SGCZ: variants seen among roughly 807,000 people sequenced by gnomAD.
The protein encoded by SGCZ is sarcoglycan zeta.
A neutral mutation model predicts 41.3 loss-of-function variants in SGCZ; 40 were observed. The ratio of observed to expected loss-of-function variants is 0.97; its 90% confidence interval spans 0.75 to 1.26. The LOEUF is 1.26. Among genes scored for constraint, SGCZ ranks in the 50% most tolerant of loss-of-function variants. SGCZ has a pLI of 0.00. For synonymous variants in SGCZ, 206 were observed against 137.5 expected (o/e 1.50, Z -3.49); for missense variants, 552 against 369.8 (o/e 1.49, Z -4.04).
intron 3 of SGCZ, among the ~76,000 whole-genome samples, chr8:14,311,201 G>C (rs1279589825): frequency 6.6e-6 from 1 of 152,020 alleles, no homozygotes; most frequent in Non-Finnish European, 1.5e-5. Context: ...TAGTGTAGAG[G>C]ACCTGATTTC....
At chr8:14,151,378 A>C (rs1157033117) in intron 5 of SGCZ, among the ~76,000 whole-genome samples, 2 of 152,126 alleles carry the variant, frequency 1.3e-5, no homozygotes, top group African/African-American at 4.8e-5. Context: ...TTAAAAATTT[A>C]TCAGAACATT....
chr8:15,036,784 C>T (rs1471764743), intron 1 of SGCZ, among the ~76,000 whole-genome samples: 1 of 151,698 alleles, frequency 6.6e-6, no homozygotes, highest in South Asian at 2.1e-4. Flanking sequence ...TAGAAAAGGA[C>T]ACTACAAAAA....
intron 1 of SGCZ, among the ~76,000 whole-genome samples, chr8:14,947,164 T>C (rs893506565): frequency 2.0e-5 from 3 of 152,148 alleles, no homozygotes; most frequent in Admixed American, 6.5e-5. Context: ...GATAGTGTGA[T>C]TGTCTGGGGA....
intron 2 of SGCZ, among the ~76,000 whole-genome samples, chr8:14,407,001 G>A (rs1253323554): frequency 1.3e-5 from 2 of 151,690 alleles, no homozygotes; most frequent in Non-Finnish European, 2.9e-5. Context: ...CTTGATTTTG[G>A]AGCCTGCCTG....
chr8:14,459,132 C>A (rs1006786050), intron 2 of SGCZ, among the ~76,000 whole-genome samples: 1 of 152,076 alleles, frequency 6.6e-6, no homozygotes, highest in African/African-American at 2.4e-5. Flanking sequence ...ATGGATGAAG[C>A]TGGAAACCTT....
At chr8:15,083,325 T>C (rs529895569) in intron 1 of SGCZ, among the ~76,000 whole-genome samples, 2 of 152,220 alleles carry the variant, frequency 1.3e-5, no homozygotes, top group South Asian at 4.1e-4. Context: ...ACAGATCATC[T>C]CTCCTTAGAA....
At chr8:14,453,111 A>AAAT (rs950936119) in intron 2 of SGCZ, among the ~76,000 whole-genome samples, 1 of 152,126 alleles carries the variant, frequency 6.6e-6, no homozygotes, top group Non-Finnish European at 1.5e-5. Context: ...TGGTCTCAAA[A>AAAT]AATAATAATA....
rs73529496 is a variant in SGCZ at position 14,296,414 on chromosome 8, T to C, written c.336+27689A>G. On this transcript the variant is annotated intron_variant, in intron 3 of 7. Coordinates refer to ENST00000382080, the MANE Select transcript of SGCZ (RefSeq NM_139167.4). ...AGAAATACATGGAGGTTTGGATTTA[T>C]ATGAAGGATTAAAGTATGTCACATT... Among the ~76,000 whole-genome samples the C allele has an allele frequency of 5.4e-3, 829 of 152,306 alleles. 7 individuals are homozygous for C. The highest frequency in any genetic ancestry group is 0.019 in the African/African-American group (793 of 41,558).
chr8:15,130,674 G>A (rs1369554939), intron 1 of SGCZ, among the ~76,000 whole-genome samples: 1 of 152,158 alleles, frequency 6.6e-6, no homozygotes, highest in Non-Finnish European at 1.5e-5. Context: ...TAATGAGGCT[G>A]TGTCAATTCT....
chr8:15,047,594 A>G (rs1218017537), intron 1 of SGCZ, among the ~76,000 whole-genome samples: 1 of 152,006 alleles, frequency 6.6e-6, no homozygotes, highest in African/African-American at 2.4e-5. Context: ...CTAGAGAGAG[A>G]GTACAGGGAT....
intron 1 of SGCZ, among the ~76,000 whole-genome samples, chr8:14,776,586 C>A (rs544425243): frequency 1.8e-4 from 27 of 149,646 alleles, no homozygotes; most frequent in Non-Finnish European, 1.3e-4. Flanking sequence ...CTCAGCCTCC[C>A]GGGTTCAGGC....
chr8:14,280,690 A>G lies in SGCZ; in HGVS notation c.337-43011T>C, dbSNP rs187052506. Among the ~76,000 whole-genome samples, 454 of 151,928 alleles carry G rather than the reference A, an allele frequency of 3.0e-3. 3 individuals carry two copies. Among genetic ancestry groups the G allele is most frequent in the African/African-American group, 0.01 (435 of 41,524 alleles). On this transcript the variant is annotated intron_variant, in intron 3 of 7. Transcript: ENST00000382080. ...TTACTATTGCTTATCTTGTGGTGAG[A>G]AAAATAATTTTTGGAAAATTGACTT...
chr8:15,033,918 C>T (rs1199773871), intron 1 of SGCZ, among the ~76,000 whole-genome samples: 2 of 152,220 alleles, frequency 1.3e-5, no homozygotes, highest in African/African-American at 2.4e-5. Flanking sequence ...CAGGCCATAA[C>T]AGACAGCCTC....
At chr8:15,088,449 T>G (rs1424618377) in intron 1 of SGCZ, among the ~76,000 whole-genome samples, 2 of 152,160 alleles carry the variant, frequency 1.3e-5, no homozygotes, top group African/African-American at 4.8e-5. Context: ...AATGTGTTTC[T>G]CTACAGTAAA....
At position 15,161,979 on chromosome 8, in the gene SGCZ, C is replaced by G. The variant is rs569729459; in HGVS notation, c.39+75606G>C. Among the ~76,000 whole-genome samples the G allele has an allele frequency of 5.9e-5, 9 of 152,106 alleles. No homozygotes were observed. The East Asian group carries it at 1.4e-3, about 23-fold the overall frequency. ...CCAGGAAGTGGAGGTTGCAGTGACC[C>G]AAGATTGCACCACGGCACTCCAGCC... is the stretch of plus-strand genomic sequence containing the variant. On this transcript the variant is annotated intron_variant, in intron 1 of 7. Transcript: ENST00000382080.
intron 3 of SGCZ, among the ~76,000 whole-genome samples, chr8:14,301,277 C>T (rs998789901): frequency 2.0e-5 from 3 of 151,908 alleles, no homozygotes; most frequent in East Asian, 3.9e-4. Flanking sequence ...TATAGAATCT[C>T]CTCTTCTTCA....
chr8:15,191,893 C>T lies in SGCZ; in HGVS notation c.39+45692G>A, dbSNP rs367582999. Among the ~76,000 whole-genome samples the T allele has an allele frequency of 3.9e-4, 60 of 152,062 alleles. No individual in the cohort carries two copies. In the South Asian group the frequency reaches 9.3e-3, roughly 24 times the overall value. ...AAAATATTAAACTTTTATCTACCCA[C>T]GCTTAAGGGCTCAGATTGCTGGATT... On this transcript the variant is annotated intron_variant, in intron 1 of 7. Coordinates refer to ENST00000382080, the MANE Select transcript of SGCZ (RefSeq NM_139167.4).
chr8:14,315,073 C>T (rs1356708472), intron 3 of SGCZ, among the ~76,000 whole-genome samples: 1 of 152,132 alleles, frequency 6.6e-6, no homozygotes, highest in African/African-American at 2.4e-5. Flanking sequence ...GCAGAATCTA[C>T]TTTTATGCAG....
rs191916563 is a variant in SGCZ at position 14,761,568 on chromosome 8, G to C, written c.40-206642C>G. Among the ~76,000 whole-genome samples, 819 of 143,678 alleles carry C rather than the reference G, an allele frequency of 5.7e-3. 12 individuals carry two copies. The highest frequency in any genetic ancestry group is 0.02 in the African/African-American group (777 of 38,416). The allele number at this position is 143,678 out of a possible 152,430, so 94.3% of individuals were successfully genotyped here. On this transcript the variant is annotated intron_variant, in intron 1 of 7. Coordinates refer to ENST00000382080, the MANE Select transcript of SGCZ (RefSeq NM_139167.4). ...TTTTTTTGAGAGGGAGTCTCTCCCT[G>C]TCGCCCAGACTGGAGTGCAGCAGCG...
Sources: gnomAD v4.1 joint callset for allele counts (sites outside exome capture counted in the v4.1 genomes callset) on GRCh38, gnomAD v4.1.1 for gene constraint, MANE v1.5 for transcripts, NCBI Gene and HGNC (gene_info 2026-07-23, HGNC 2026-07-21) for gene names.